The following WWOX variants were observed in gnomAD, a reference collection of about 807,000 sequenced individuals.
WWOX encodes WW domain containing oxidoreductase, also known as WW domain-containing oxidoreductase.
WWOX carries 69 observed loss-of-function variants against 46.2 expected under a neutral mutation model. The observed-to-expected ratio is 1.49, with a 90% CI of 1.23 to 1.82. The LOEUF (loss-of-function observed/expected upper bound fraction) is 1.82. WWOX is among the 40% of genes most tolerant of loss of function. The pLI is 0.00. For synonymous variants in WWOX, 359 were observed against 202.6 expected (o/e 1.77, Z -6.56); for missense variants, 919 against 542.6 (o/e 1.69, Z -6.89).
intron 7 of WWOX, 82 bp downstream of exon 7, chr16:78,425,137 A>T: frequency 6.4e-7 from 1 of 1,572,252 alleles, no homozygotes; most frequent in Non-Finnish European, 8.7e-7. Flanking sequence ...TTCTGAAAAT[A>T]ATTTTCATTA....
intron 4 of WWOX, among the ~76,000 whole-genome samples, chr16:78,148,662 C>G (rs2034291998): frequency 6.6e-6 from 1 of 151,670 alleles, no homozygotes; most frequent in Non-Finnish European, 1.5e-5. Flanking sequence ...CTTTGGGAGA[C>G]CAGGGTGGGT....
chr16:78,843,673 TCTCCGTG>T (rs1286246826), intron 8 of WWOX, among the ~76,000 whole-genome samples: 4 of 152,122 alleles, frequency 2.6e-5, no homozygotes, highest in East Asian at 1.9e-4. Context: ...ATTCATTCCC[TCTCCGTG>T]GCTCAGCATG....
chr16:78,962,880 A>T (rs1597211429), intron 8 of WWOX, among the ~76,000 whole-genome samples: 2 of 152,146 alleles, frequency 1.3e-5, no homozygotes, highest in South Asian at 2.1e-4. Context: ...AATTCATATA[A>T]ATAGTCACCC....
At chr16:79,201,563 A>G (rs759209772) in intron 8 of WWOX, among the ~76,000 whole-genome samples, 5 of 152,114 alleles carry the variant, frequency 3.3e-5, no homozygotes, top group Non-Finnish European at 7.3e-5. Context: ...ACTGTCAATT[A>G]ATGCATTTAC....
intron 8 of WWOX, among the ~76,000 whole-genome samples, chr16:78,943,643 G>A (rs551154238): frequency 2.0e-5 from 3 of 152,158 alleles, no homozygotes; most frequent in South Asian, 2.1e-4. Flanking sequence ...TGGCCTGGAC[G>A]CAGCTGAAAA....
intron 5 of WWOX, among the ~76,000 whole-genome samples, chr16:78,370,979 T>C (rs1022069436): frequency 6.7e-5 from 10 of 149,584 alleles, no homozygotes; most frequent in African/African-American, 2.4e-4. Flanking sequence ...TGTTGTGATT[T>C]CTTTTTTTTT....
At chr16:78,766,725 C>T (rs1340485725) in intron 8 of WWOX, among the ~76,000 whole-genome samples, 1 of 152,212 alleles carries the variant, frequency 6.6e-6, no homozygotes, top group Non-Finnish European at 1.5e-5. Context: ...AGAGCAAGGG[C>T]AGATCAAGCT....
intron 5 of WWOX, among the ~76,000 whole-genome samples, chr16:78,194,683 T>C (rs2035992730): frequency 6.6e-6 from 1 of 151,872 alleles, no homozygotes; most frequent in African/African-American, 2.4e-5. Flanking sequence ...TGGGACTGAA[T>C]AGCAGCTGCT....
intron 5 of WWOX, chr16:78,355,801 T>A: frequency 1.4e-6 from 1 of 725,888 alleles, no homozygotes; most frequent in South Asian, 1.3e-5. Flanking sequence ...GAGATGGCAT[T>A]TTCCTGGTTG....
At chr16:78,425,154 C>T in intron 7 of WWOX, 99 bp downstream of exon 7, 2 of 1,512,922 alleles carry the variant, frequency 1.3e-6, no homozygotes, top group South Asian at 1.1e-5. Context: ...ATTAGTCCTG[C>T]TTGAGACATG....
intron 8 of WWOX, among the ~76,000 whole-genome samples, chr16:79,070,059 C>G (rs377557013): frequency 6.6e-6 from 1 of 152,190 alleles, no homozygotes; most frequent in East Asian, 1.9e-4. Context: ...CAGAATATTC[C>G]TAATATAGTT....
In WWOX at chr16:78,511,398, G is replaced by C. The variant is rs13333777; in HGVS notation, c.1056+78646G>C. On this transcript the variant is annotated intron_variant, in intron 8 of 8. Transcript: ENST00000566780. ...TAATGCACACCAGAAACGTCCAGCT[G>C]AAAACAAAAAGGGAACAAGATGACA... is the stretch of plus-strand genomic sequence containing the variant. Among the ~76,000 whole-genome samples, 488 of 152,226 alleles carry C rather than the reference G, an allele frequency of 3.2e-3. 2 individuals are homozygous for C. The highest frequency in any genetic ancestry group is 0.01 in the Middle Eastern group (3 of 294).
intron 8 of WWOX, among the ~76,000 whole-genome samples, chr16:79,038,803 G>T (rs1357594031): frequency 1.3e-5 from 2 of 152,140 alleles, no homozygotes; most frequent in Non-Finnish European, 2.9e-5. Flanking sequence ...ACCTGCCTCA[G>T]CCTCCCAAAG....
chr16:78,690,765 A>T (rs778589296), intron 8 of WWOX, among the ~76,000 whole-genome samples: 7 of 152,196 alleles, frequency 4.6e-5, no homozygotes, highest in Non-Finnish European at 8.8e-5. Flanking sequence ...GAATTATTTA[A>T]GCACTGCCAG....
At chr16:78,296,761 A>G (rs1047028318) in intron 5 of WWOX, among the ~76,000 whole-genome samples, 1 of 152,198 alleles carries the variant, frequency 6.6e-6, no homozygotes, top group African/African-American at 2.4e-5. Context: ...ATTCATATCT[A>G]AAAATAAAGT....
intron 8 of WWOX, among the ~76,000 whole-genome samples, chr16:78,859,667 G>A (rs1044727934): frequency 6.6e-6 from 1 of 152,162 alleles, no homozygotes; most frequent in Admixed American, 6.5e-5. Flanking sequence ...TGGTTTAAGA[G>A]CAGGGCGAGT....
intron 5 of WWOX, among the ~76,000 whole-genome samples, chr16:78,334,334 G>T (rs2080827970): frequency 2.0e-5 from 3 of 152,088 alleles, no homozygotes; most frequent in African/African-American, 7.2e-5. Flanking sequence ...CATTTTAATA[G>T]ACCAAGCAAA....
chr16:78,716,199 A>G (rs561443540), intron 8 of WWOX, among the ~76,000 whole-genome samples: 1 of 152,214 alleles, frequency 6.6e-6, no homozygotes, highest in African/African-American at 2.4e-5. Flanking sequence ...GAAGAAAAAC[A>G]TAGGGCCGTG....
At chr16:79,113,459 T>A (rs920805724) in intron 8 of WWOX, among the ~76,000 whole-genome samples, 2 of 152,222 alleles carry the variant, frequency 1.3e-5, no homozygotes, top group Admixed American at 6.5e-5. Flanking sequence ...GTCCACACCT[T>A]GGTACAACAT....
Sources: allele counts gnomAD v4.1 joint callset (sites outside exome capture counted in the v4.1 genomes callset), GRCh38; gene constraint gnomAD v4.1.1; transcripts MANE v1.5; gene names NCBI Gene and HGNC (gene_info 2026-07-23, HGNC 2026-07-21).